Variants in PSD3 observed in about 807,000 individuals in gnomAD.
The protein encoded by PSD3 is pleckstrin and Sec7 domain containing 3.
A neutral mutation model predicts 105.5 loss-of-function variants in PSD3; 49 were observed. That is an observed-to-expected ratio of 0.46 (90% CI 0.37 to 0.59). The LOEUF (loss-of-function observed/expected upper bound fraction) is 0.59. Among genes scored for constraint, PSD3 ranks in the 20% least tolerant of loss-of-function variants. The pLI is 0.00. For synonymous variants in PSD3, 557 were observed against 457.8 expected (o/e 1.22, Z -2.77); for missense variants, 1,561 against 1,263.8 (o/e 1.24, Z -3.57).
chr8:18,849,413 C>T (rs976210790), intron 4 of PSD3: 10 of 152,216 alleles, frequency 6.6e-5, no homozygotes, highest in Admixed American at 3.3e-4. Flanking sequence ...TCTCTTCAGT[C>T]GCTCATATCA....
intron 1 of PSD3, among the ~76,000 whole-genome samples, chr8:19,064,928 T>C (rs1275110094): frequency 6.6e-6 from 1 of 152,168 alleles, no homozygotes; most frequent in Non-Finnish European, 1.5e-5. Context: ...TGGACTGAGC[T>C]CCTGCACTAG....
At chr8:18,674,572 T>C (rs1799966764) in intron 9 of PSD3, among the ~76,000 whole-genome samples, 1 of 152,194 alleles carries the variant, frequency 6.6e-6, no homozygotes, top group South Asian at 2.1e-4. Context: ...TTGCTATATG[T>C]AAATACCACT....
intron 14 of PSD3, 118 bp from the exon 15 acceptor site, chr8:18,556,470 T>TG (rs1230774252): frequency 2.1e-5 from 21 of 997,796 alleles, no homozygotes; most frequent in Non-Finnish European, 2.7e-5. Flanking sequence ...AACAGCCCAA[T>TG]GTGCCTCTGC....
chr8:19,022,936 T>C (rs1039251273), intron 1 of PSD3, among the ~76,000 whole-genome samples: 7 of 152,056 alleles, frequency 4.6e-5, no homozygotes, highest in African/African-American at 1.7e-4. Flanking sequence ...TGCTGTGTAT[T>C]ACACTGTCAC....
chr8:18,741,872 T>C (rs943207785), intron 9 of PSD3, among the ~76,000 whole-genome samples: 1 of 123,730 alleles, frequency 8.1e-6, no homozygotes, highest in African/African-American at 3.2e-5. Context: ...GCAAACAGAA[T>C]AAAAAAGCAG....
At chr8:19,036,287 A>G (rs1282123496) in intron 1 of PSD3, among the ~76,000 whole-genome samples, 1 of 152,030 alleles carries the variant, frequency 6.6e-6, no homozygotes, top group Non-Finnish European at 1.5e-5. Flanking sequence ...TGCTTATGCA[A>G]TCTCAATAAA....
intron 1 of PSD3, among the ~76,000 whole-genome samples, chr8:19,028,286 C>G (rs373536752): frequency 0.11 from 12,095 of 114,118 alleles, 850 homozygotes; most frequent in Non-Finnish European, 0.15. Flanking sequence ...CCACCCCCCC[C>G]CCCCGGCCCA....
chr8:18,991,351 CATACACACACACACACACACAT>C (rs1319339750), intron 1 of PSD3, among the ~76,000 whole-genome samples: 17,226 of 120,176 alleles, frequency 0.14, 1,121 homozygotes, highest in East Asian at 0.24. Context: ...CACACACACA[CATACACACACACACACACACAT>C]ACACACACAC....
chr8:18,922,423 T>C (rs113514849), intron 2 of PSD3, among the ~76,000 whole-genome samples: 68 of 152,328 alleles, frequency 4.5e-4, no homozygotes, highest in African/African-American at 1.6e-3. Context: ...TCAGTTCTAA[T>C]TATGACATTC....
In PSD3 at chr8:19,047,679, C is replaced by G. The variant is rs142068358; in HGVS notation, c.324+36527G>C. Among the ~76,000 whole-genome samples, 452 of 152,252 alleles carry G rather than the reference C, an allele frequency of 3.0e-3. 7 individuals carry two copies. The highest frequency in any genetic ancestry group is 0.02 in the Admixed American group (311 of 15,296). On this transcript the variant is annotated intron_variant, in intron 1 of 1. Transcript: ENST00000521475. ...CTGTTCTGCCACACCTTATGTCATA[C>G]CTGGCACAACACGGGCACTCAGTAG...
chr8:18,947,767 G>A (rs747031815), intron 1 of PSD3, among the ~76,000 whole-genome samples: 1 of 152,142 alleles, frequency 6.6e-6, no homozygotes, highest in East Asian at 1.9e-4. Flanking sequence ...GCCTGGCCTG[G>A]GCAAGGTTCT....
At chr8:18,918,075 A>AT (rs1820739487) in intron 2 of PSD3, among the ~76,000 whole-genome samples, 2 of 152,224 alleles carry the variant, frequency 1.3e-5, no homozygotes, top group East Asian at 1.9e-4. Flanking sequence ...TCAATCCATT[A>AT]TTTTTTTAAA....
intron 15 of PSD3, among the ~76,000 whole-genome samples, chr8:18,541,174 C>A (rs1585201535): frequency 7.1e-6 from 1 of 141,790 alleles, no homozygotes; most frequent in African/African-American, 2.5e-5. Flanking sequence ...AAAAAAAAAC[C>A]TTTTGATTTC....
chr8:18,591,439 G>T (rs1039033359), intron 12 of PSD3, among the ~76,000 whole-genome samples: 1 of 152,154 alleles, frequency 6.6e-6, no homozygotes, highest in African/African-American at 2.4e-5. Context: ...TGATGCAATT[G>T]GGAGAAAAGG....
intron 11 of PSD3, among the ~76,000 whole-genome samples, chr8:18,609,848 CTTAA>C (rs745600013): frequency 1.3e-5 from 2 of 152,206 alleles, no homozygotes; most frequent in African/African-American, 2.4e-5. Flanking sequence ...TCTATTACAT[CTTAA>C]TTAATAGAGC....
chr8:18,796,676 ACCTCCTCATAGGGGAGTCACC>A (rs1341075536), intron 8 of PSD3, among the ~76,000 whole-genome samples: 2 of 152,226 alleles, frequency 1.3e-5, no homozygotes, highest in Admixed American at 1.3e-4. Flanking sequence ...GGGGAGTCAG[ACCTCCTCATAGGGGAGTCACC>A]CCTCCCCTAC....
At chr8:18,656,771 A>G (rs1166839378) in intron 9 of PSD3, among the ~76,000 whole-genome samples, 1 of 151,954 alleles carries the variant, frequency 6.6e-6, no homozygotes, top group Non-Finnish European at 1.5e-5. Flanking sequence ...TGCAGCGACT[A>G]TTCATGACCA....
chr8:18,661,990 A>T (rs916367392), intron 9 of PSD3, among the ~76,000 whole-genome samples: 2 of 147,506 alleles, frequency 1.4e-5, no homozygotes, highest in Non-Finnish European at 3.0e-5. Flanking sequence ...ACATGCTTGA[A>T]TTTTTTTTTT....
intron 14 of PSD3, among the ~76,000 whole-genome samples, chr8:18,561,205 T>C (rs1801378493): frequency 6.6e-6 from 1 of 152,168 alleles, no homozygotes; most frequent in Non-Finnish European, 1.5e-5. Flanking sequence ...TTATTCACAA[T>C]AGCTAAGATC....
Sources: allele counts gnomAD v4.1 joint callset (sites outside exome capture counted in the v4.1 genomes callset), GRCh38; gene constraint gnomAD v4.1.1; transcripts MANE v1.5; gene names NCBI Gene and HGNC (gene_info 2026-07-23, HGNC 2026-07-21).